TMPRSS15: variants seen among roughly 807,000 people sequenced by gnomAD.
TMPRSS15 encodes the protein transmembrane serine protease 15.
A neutral mutation model predicts 125.3 loss-of-function variants in TMPRSS15; 128 were observed. The ratio of observed to expected loss-of-function variants is 1.02; its 90% CI spans 0.89 to 1.18. The LOEUF is 1.18. Ranked by LOEUF, TMPRSS15 falls within the 50% of genes most tolerant of loss-of-function variation. The pLI, the probability that TMPRSS15 is intolerant of heterozygous loss-of-function variation, is 0.00. For synonymous variants in TMPRSS15, 446 were observed against 423.2 expected (o/e 1.05, Z -0.66); for missense variants, 1,283 against 1,212.7 (o/e 1.06, Z -0.86).
At chr21:18,437,513 A>T (rs1195800333) in intron 1 of TMPRSS15, among the ~76,000 whole-genome samples, 1 of 152,176 alleles carries the variant, frequency 6.6e-6, no homozygotes, top group African/African-American at 2.4e-5. Flanking sequence ...CACAGCGAAA[A>T]AAACTACCGT....
At chr21:18,383,063 G>A (rs760674946) in intron 4 of TMPRSS15, among the ~76,000 whole-genome samples, 21 of 151,966 alleles carry the variant, frequency 1.4e-4, no homozygotes, top group African/African-American at 2.4e-4. Flanking sequence ...ATTAGAAATC[G>A]GACCTTGCCA....
At position 18,280,575 on chromosome 21, in the gene TMPRSS15, C is replaced by CAAAAAAA. The variant is rs1230513414; in HGVS notation, c.2668+458_2668+464dup. On this transcript the variant is annotated intron_variant, in intron 22 of 24. Transcript: ENST00000284885. ...TGGGCAACAGAGCGAGACTCCGTCT[C>CAAAAAAA]AAAAAAAAAAAAAAAAAAAACAACA... 5.2e-4 allele frequency among the ~76,000 whole-genome samples: 25 copies of CAAAAAAA among 48,344 alleles called. 1 individual carries two copies. The highest frequency in any genetic ancestry group is 1.8e-3 in the African/African-American group (19 of 10,654). The allele number at this position is 48,344 out of a possible 152,430, so 31.7% of individuals were successfully genotyped here.
intron 1 of TMPRSS15, among the ~76,000 whole-genome samples, chr21:18,415,025 C>CTTTTTTTT (rs202167742): frequency 6.6e-6 from 1 of 151,742 alleles, no homozygotes; most frequent in African/African-American, 2.4e-5. Context: ...TAGCCCTTAT[C>CTTTTTTTT]TGTTTTTTTT....
intron 23 of TMPRSS15, among the ~76,000 whole-genome samples, chr21:18,278,232 G>C (rs1391196718): frequency 2.0e-5 from 3 of 152,058 alleles, no homozygotes; most frequent in Admixed American, 2.0e-4. Context: ...CTTTTGATGA[G>C]ACTTTATCAT....
chr21:18,292,447 T>C (rs933075506), intron 21 of TMPRSS15, among the ~76,000 whole-genome samples: 1 of 152,236 alleles, frequency 6.6e-6, no homozygotes, highest in South Asian at 2.1e-4. Context: ...CAATTGGACA[T>C]GTGTTTATAC....
rs538150464 is a variant in TMPRSS15, at chr21:18,401,274, G to A, written c.145+2204C>T. Among the ~76,000 whole-genome samples, 199 of 152,162 alleles carry A rather than the reference G, an allele frequency of 1.3e-3. 1 individual carries two copies. The highest frequency in any genetic ancestry group is 3.4e-3 in the Middle Eastern group (1 of 294). On this transcript the variant is annotated intron_variant, in intron 1 of 24. Transcript: ENST00000284885. Reference sequence around the variant, plus strand: ...AAGTCATTCTACCAAACAGACACACGCACTCACATGTTCATCACAGCACAG... The same window carrying A: ...AAGTCATTCTACCAAACAGACACACACACTCACATGTTCATCACAGCACAG...
At chr21:18,296,433 T>A (rs575972349) in intron 19 of TMPRSS15, among the ~76,000 whole-genome samples, 1 of 152,310 alleles carries the variant, frequency 6.6e-6, no homozygotes, top group African/African-American at 2.4e-5. Flanking sequence ...ATTAAGGACA[T>A]TTAATTAACT....
intron 1 of TMPRSS15, among the ~76,000 whole-genome samples, chr21:18,478,124 G>GT (rs1300871992): frequency 6.6e-6 from 1 of 152,020 alleles, no homozygotes; most frequent in East Asian, 1.9e-4. Flanking sequence ...GGCAAATGAT[G>GT]TTTTTTTCCA....
At chr21:18,275,444 G>A (rs1208892061) in intron 23 of TMPRSS15, 108 bp from the exon 24 acceptor site, 3 of 1,312,976 alleles carry the variant, frequency 2.3e-6, no homozygotes, top group East Asian at 4.7e-5. Context: ...TCATTATCAA[G>A]TACTGTGTAT....
intron 1 of TMPRSS15, among the ~76,000 whole-genome samples, chr21:18,425,838 C>T (rs1023577283): frequency 1.3e-5 from 2 of 152,082 alleles, no homozygotes; most frequent in Admixed American, 6.6e-5. Context: ...TTCTGGGCTT[C>T]AAGCACTCTT....
intron 1 of TMPRSS15, among the ~76,000 whole-genome samples, chr21:18,437,412 T>C (rs1012412731): frequency 2.6e-5 from 4 of 152,102 alleles, no homozygotes; most frequent in East Asian, 1.9e-4. Context: ...GACATAGGCA[T>C]GGGCAAGGAC....
chr21:18,413,926 A>G (rs1174092282), intron 1 of TMPRSS15, among the ~76,000 whole-genome samples: 1 of 152,114 alleles, frequency 6.6e-6, no homozygotes, highest in East Asian at 1.9e-4. Flanking sequence ...CAGGCTCATA[A>G]TGCACTTAAA....
intron 1 of TMPRSS15, among the ~76,000 whole-genome samples, chr21:18,463,369 A>C (rs1273608564): frequency 1.3e-5 from 2 of 151,770 alleles, no homozygotes; most frequent in Non-Finnish European, 2.9e-5. Flanking sequence ...GCATTACCTC[A>C]TGGTAAAGGG....
In TMPRSS15 at chr21:18,315,178, T is replaced by G. The variant is rs1197890732; in HGVS notation, c.2000A>C (p.His667Pro). The G allele has an allele frequency of 6.2e-7, 1 of 1,613,854 alleles. No individual in the cohort carries two copies. The highest frequency in any genetic ancestry group is 1.1e-5 in the South Asian group (1 of 91,080). ...PLVNLCDGHL[H>P]CEDGSDEADC... The stretch of plus-strand genomic sequence containing the variant: ...TGCTTCATCTGAGCCATCCTCACAG[T>G]GCAGATGACCGTCACAGAGATTCAC... Residue 667 changes from histidine to proline, a missense_variant, in exon 17 of 25, where the codon CAC becomes CCC. By Grantham distance (77) the His-to-Pro change is moderately conservative (BLOSUM62 -2). Coordinates refer to ENST00000284885, the MANE Select transcript of TMPRSS15 (RefSeq NM_002772.3).
intron 1 of TMPRSS15, chr21:18,460,495 CAG>C (rs1978531712): frequency 6.6e-6 from 1 of 152,070 alleles, no homozygotes; most frequent in South Asian, 2.1e-4. Flanking sequence ...GTGCAGTAAT[CAG>C]AGTTCTGCAA....
chr21:18,349,681 G>A (rs1462979672), intron 10 of TMPRSS15, among the ~76,000 whole-genome samples: 1 of 152,112 alleles, frequency 6.6e-6, no homozygotes, highest in Non-Finnish European at 1.5e-5. Context: ...GAGTTGGAGA[G>A]GACCTATTAA....
At chr21:18,285,324 T>G (rs2146880452) in intron 21 of TMPRSS15, among the ~76,000 whole-genome samples, 1 of 152,340 alleles carries the variant, frequency 6.6e-6, no homozygotes, top group Middle Eastern at 3.4e-3. Context: ...AAGTGGGACT[T>G]TCAATGCAGT....
intron 18 of TMPRSS15, among the ~76,000 whole-genome samples, chr21:18,299,729 A>G (rs1019223694): frequency 6.6e-6 from 1 of 152,142 alleles, no homozygotes; most frequent in Non-Finnish European, 1.5e-5. Context: ...CCCATGACAC[A>G]TTCTCAAAGT....
upstream of TMPRSS15, among the ~76,000 whole-genome samples, chr21:18,406,892 C>G (rs749256595): frequency 1.3e-5 from 2 of 151,710 alleles, no homozygotes; most frequent in Non-Finnish European, 2.9e-5. Context: ...AAGTGTTCAT[C>G]AATAGGAAAA....
Sources: gnomAD v4.1 joint callset for allele counts (sites outside exome capture counted in the v4.1 genomes callset) on GRCh38, gnomAD v4.1.1 for gene constraint, MANE v1.5 for transcripts, NCBI Gene and HGNC (gene_info 2026-07-23, HGNC 2026-07-21) for gene names.